ERC2: variants seen among roughly 807,000 people sequenced by gnomAD.
ERC2 encodes ERC protein 2.
Under a neutral mutation model 114.8 loss-of-function variants are expected in ERC2, and 42 were observed. The ratio of observed to expected loss-of-function variants is 0.37; its 90% confidence interval spans 0.29 to 0.47. The LOEUF (loss-of-function observed/expected upper bound fraction) is 0.47, where lower values mean the gene tolerates loss of function less well. Among genes scored for constraint, ERC2 ranks in the 20% least tolerant of loss-of-function variants. The probability of loss-of-function intolerance (pLI) is 0.99; values close to 1 mark genes in which losing one functional copy is unlikely to be tolerated. For synonymous variants in ERC2, 454 were observed against 425.5 expected (o/e 1.07, Z -0.82); for missense variants, 939 against 1,150.7 (o/e 0.82, Z 2.66).
Position 56,411,347 on chromosome 3 carries a change from C to T in ERC2, c.657+23004G>A, listed in dbSNP as rs566743990. Among the ~76,000 whole-genome samples, 27 of 151,906 alleles carry T rather than the reference C, an allele frequency of 1.8e-4. No individual in the cohort carries two copies. The East Asian group carries it at 2.0e-3, about 11-fold the overall frequency. ...CCATCTGCTTGCCTGCCTCACCCAA[C>T]GTGAGCACAGCCCCACTCTGCTTTC... On this transcript the variant is annotated intron_variant, in intron 2 of 17. Coordinates refer to ENST00000288221, the MANE Select transcript of ERC2 (RefSeq NM_015576.3).
intron 2 of ERC2, among the ~76,000 whole-genome samples, chr3:56,301,138 G>A (rs2055846374): frequency 6.6e-6 from 1 of 152,080 alleles, no homozygotes; most frequent in Non-Finnish European, 1.5e-5. Flanking sequence ...TTCAGAAGTG[G>A]TTACGATGGA....
In ERC2 at chr3:55,809,719, G is replaced by A. The variant is rs9844803; in HGVS notation, c.2565-74801C>T. Among the ~76,000 whole-genome samples the A allele has an allele frequency of 4.1e-3, 626 of 152,218 alleles. 10 individuals carry two copies. Among genetic ancestry groups the A allele is most frequent in the African/African-American group, 0.014 (593 of 41,542 alleles). Reference sequence around the variant, plus strand: ...AACCAAAGTATCAAAGTCCCCACTGGGCTTCCCTACAAGCTGGTTGGCATC... The same window carrying A: ...AACCAAAGTATCAAAGTCCCCACTGAGCTTCCCTACAAGCTGGTTGGCATC... On this transcript the variant is annotated intron_variant, in intron 14 of 17. Coordinates refer to ENST00000288221, the MANE Select transcript of ERC2 (RefSeq NM_015576.3).
chr3:56,015,692 G>T (rs1400490429), intron 8 of ERC2, among the ~76,000 whole-genome samples: 1 of 152,140 alleles, frequency 6.6e-6, no homozygotes, highest in East Asian at 1.9e-4. Context: ...CTTTATAATA[G>T]AATGATTTAT....
At chr3:56,279,170 A>G (rs942062908) in intron 3 of ERC2, among the ~76,000 whole-genome samples, 1 of 152,156 alleles carries the variant, frequency 6.6e-6, no homozygotes, top group African/African-American at 2.4e-5. Flanking sequence ...ACAAAAGAAC[A>G]CTAATGCAGC....
At chr3:55,702,033 T>G (rs2063248064) in intron 15 of ERC2, among the ~76,000 whole-genome samples, 1 of 152,166 alleles carries the variant, frequency 6.6e-6, no homozygotes, top group African/African-American at 2.4e-5. Context: ...TTGGGGAAGC[T>G]CCTGTGATTT....
At chr3:55,938,819 T>C (rs1433704743) in intron 13 of ERC2, among the ~76,000 whole-genome samples, 1 of 152,218 alleles carries the variant, frequency 6.6e-6, no homozygotes, top group South Asian at 2.1e-4. Context: ...TATTCCATAT[T>C]GCCTTAGCAG....
chr3:55,555,312 G>A (rs1163398286), intron 17 of ERC2, among the ~76,000 whole-genome samples: 1 of 152,114 alleles, frequency 6.6e-6, no homozygotes, highest in East Asian at 1.9e-4. Context: ...AACCCTATCG[G>A]CCCCAGCTTG....
intron 3 of ERC2, among the ~76,000 whole-genome samples, chr3:56,281,203 C>T (rs892465830): frequency 6.6e-5 from 10 of 151,868 alleles, no homozygotes; most frequent in Middle Eastern, 6.8e-3. Flanking sequence ...TTTGGGAGGC[C>T]GAGGCGGGCG....
chr3:56,308,236 T>C (rs1409560307), intron 2 of ERC2, among the ~76,000 whole-genome samples: 1 of 152,202 alleles, frequency 6.6e-6, no homozygotes, highest in Non-Finnish European at 1.5e-5. Context: ...GTGTCTAAAA[T>C]TGAGGTTTCC....
chr3:55,624,142 G>T (rs1481494126), intron 17 of ERC2, among the ~76,000 whole-genome samples: 1 of 152,134 alleles, frequency 6.6e-6, no homozygotes, highest in African/African-American at 2.4e-5. Context: ...GAATCCAACA[G>T]GTAGGATGTA....
At chr3:55,933,164 G>A (rs1344580729) in intron 13 of ERC2, among the ~76,000 whole-genome samples, 3 of 150,640 alleles carry the variant, frequency 2.0e-5, no homozygotes, top group Non-Finnish European at 4.4e-5. Flanking sequence ...AGTAGAGATC[G>A]CGCCACTGCA....
At chr3:55,605,881 A>C (rs1433753822) in intron 17 of ERC2, among the ~76,000 whole-genome samples, 1 of 152,210 alleles carries the variant, frequency 6.6e-6, no homozygotes, top group Non-Finnish European at 1.5e-5. Flanking sequence ...CTCTCTTCCT[A>C]GGAGGAACCC....
chr3:56,190,228 G>C (rs1029788748), intron 3 of ERC2, among the ~76,000 whole-genome samples: 1 of 152,098 alleles, frequency 6.6e-6, no homozygotes, highest in Non-Finnish European at 1.5e-5. Flanking sequence ...CATTTTATTT[G>C]CAAACCTCTT....
intron 14 of ERC2, among the ~76,000 whole-genome samples, chr3:55,786,547 G>A (rs970373651): frequency 6.6e-6 from 1 of 152,172 alleles, no homozygotes; most frequent in East Asian, 1.9e-4. Context: ...CAAGCACTGT[G>A]CCAAGTACTT....
chr3:55,525,769 G>A (rs1304515689), intron 17 of ERC2, among the ~76,000 whole-genome samples: 2 of 152,182 alleles, frequency 1.3e-5, no homozygotes, highest in Non-Finnish European at 2.9e-5. Context: ...GGACACCATG[G>A]AAGGGGAGTG....
intron 13 of ERC2, among the ~76,000 whole-genome samples, chr3:55,945,624 A>G (rs193273023): frequency 6.6e-6 from 1 of 152,304 alleles, no homozygotes; most frequent in Admixed American, 6.5e-5. Flanking sequence ...TTGGAGGAGG[A>G]AAGTAAAGGA....
chr3:56,348,953 AAG>A (rs1560643182), intron 2 of ERC2, among the ~76,000 whole-genome samples: 26 of 141,794 alleles, frequency 1.8e-4, no homozygotes, highest in Non-Finnish European at 3.9e-4. Flanking sequence ...GGAAGGAAGG[AAG>A]GAAAGAAAGA....
intron 15 of ERC2, among the ~76,000 whole-genome samples, chr3:55,708,560 A>G (rs1228002215): frequency 3.3e-5 from 5 of 152,212 alleles, no homozygotes; most frequent in Admixed American, 1.3e-4. Context: ...TAAACAACAC[A>G]TATTTTATGT....
chr3:55,804,907 C>T (rs1205595795), intron 14 of ERC2, among the ~76,000 whole-genome samples: 3 of 151,964 alleles, frequency 2.0e-5, no homozygotes, highest in African/African-American at 7.2e-5. Context: ...AATCACTGGT[C>T]TTCCACTTGA....
Sources: gnomAD v4.1 joint callset for allele counts (sites outside exome capture counted in the v4.1 genomes callset) on GRCh38, gnomAD v4.1.1 for gene constraint, MANE v1.5 for transcripts, NCBI Gene and HGNC (gene_info 2026-07-23, HGNC 2026-07-21) for gene names.